Variants in GALNT1 observed in about 807,000 individuals in gnomAD.
The protein encoded by GALNT1 is GalNAc transferase 1.
GALNT1 carries 17 observed loss-of-function variants against 65.7 expected under a neutral mutation model. That is an observed-to-expected ratio of 0.26 (90% CI 0.18 to 0.39). The LOEUF (loss-of-function observed/expected upper bound fraction) is 0.39, where lower values mean the gene tolerates loss of function less well. Ranked by LOEUF, GALNT1 falls within the 10% of genes least tolerant of loss-of-function variation. The pLI, the probability that GALNT1 is intolerant of heterozygous loss-of-function variation, is 1.00. For missense variants in GALNT1, 460 were observed against 672.8 expected, an observed-to-expected ratio of 0.68 and a Z score of 3.50; for synonymous variants, 210 against 219.7, an observed-to-expected ratio of 0.96 and a Z score of 0.39.
At chr18:35,625,493 G>A (rs892968028) in intron 1 of GALNT1, among the ~76,000 whole-genome samples, 3 of 152,200 alleles carry the variant, frequency 2.0e-5, no homozygotes, top group Non-Finnish European at 2.9e-5. Flanking sequence ...GTGTTGCTAG[G>A]TAGGACATTA....
At chr18:35,580,981 G>A (rs2046304833), upstream of GALNT1, 1 of 152,128 alleles carries the variant, frequency 6.6e-6, no homozygotes, top group African/African-American at 2.4e-5. Context: ...GCCTGCCCCG[G>A]CGGTGCGGGT....
At chr18:35,586,606 T>G (rs1176218769) in intron 1 of GALNT1, among the ~76,000 whole-genome samples, 1 of 152,050 alleles carries the variant, frequency 6.6e-6, no homozygotes, top group African/African-American at 2.4e-5. Context: ...AGGTCAAAAT[T>G]GTGTGTGTGT....
intron 1 of GALNT1, among the ~76,000 whole-genome samples, chr18:35,623,535 G>A (rs2046881467): frequency 6.6e-6 from 1 of 151,580 alleles, no homozygotes; most frequent in South Asian, 2.1e-4. Context: ...CTCTCCTTTT[G>A]CAACTCTGAT....
rs528722687 is a variant in GALNT1, at chr18:35,618,770, T to C, written c.-103-35790T>C. On this transcript the variant is annotated intron_variant, in intron 1 of 11. Transcript: ENST00000269195. ...GTTTGTTCTGAGAGCAGGAAGCAAA[T>C]CCTATAATCAGCCCTCCAAAGAGCT... Among the ~76,000 whole-genome samples, 144 of 152,184 alleles carry C rather than the reference T, an allele frequency of 9.5e-4. 1 individual carries two copies. The highest frequency in any genetic ancestry group is 3.0e-3 in the African/African-American group (125 of 41,530).
intron 2 of GALNT1, chr18:35,659,945 T>C (rs1347249061): frequency 6.6e-6 from 1 of 152,194 alleles, no homozygotes; most frequent in Non-Finnish European, 1.5e-5. Flanking sequence ...AGATGATATT[T>C]TGATGTTTAA....
chr18:35,633,648 CA>C (rs1256971729), intron 1 of GALNT1, among the ~76,000 whole-genome samples: 2 of 152,026 alleles, frequency 1.3e-5, no homozygotes, highest in Non-Finnish European at 2.9e-5. Flanking sequence ...ACATATGTAA[CA>C]AACCTGCACA....
chr18:35,705,815 T>C (rs527738653), intron 11 of GALNT1, among the ~76,000 whole-genome samples: 190 of 152,352 alleles, frequency 1.2e-3, no homozygotes, highest in Non-Finnish European at 2.3e-3. Flanking sequence ...GGCATAGTGA[T>C]GTCAGGGATA....
intron 1 of GALNT1, among the ~76,000 whole-genome samples, chr18:35,645,220 T>G (rs12963016): frequency 3.2e-4 from 17 of 53,712 alleles, no homozygotes; most frequent in Non-Finnish European, 4.8e-4. Context: ...TTTTGAATGT[T>G]TTTTTTTTTT....
intron 1 of GALNT1, among the ~76,000 whole-genome samples, chr18:35,584,536 G>C (rs2046358461): frequency 6.6e-6 from 1 of 152,216 alleles, no homozygotes; most frequent in East Asian, 1.9e-4. Context: ...GTAGAAGAGA[G>C]TTAGGAGTGA....
At position 35,699,478 on chromosome 18, in the gene GALNT1, G is replaced by A. The variant is rs143669806; in HGVS notation, c.1300-3419G>A. Among the ~76,000 whole-genome samples, 576 of 152,292 alleles carry A rather than the reference G, an allele frequency of 3.8e-3. 9 individuals are homozygous for A. Among genetic ancestry groups the A allele is most frequent in the African/African-American group, 0.013 (551 of 41,554 alleles). On this transcript the variant is annotated intron_variant, in intron 9 of 11. Coordinates refer to ENST00000269195, the MANE Select transcript of GALNT1 (RefSeq NM_020474.4). ...TTTCTCTTTCCAGGATAGTCAAGAG[G>A]TGACTTGAAAGGAGTGAACTAAAGG...
intron 1 of GALNT1, among the ~76,000 whole-genome samples, chr18:35,635,119 A>T (rs939913885): frequency 6.6e-6 from 1 of 152,194 alleles, no homozygotes; most frequent in African/African-American, 2.4e-5. Flanking sequence ...ACAGCAAAGG[A>T]TACAATGCAG....
intron 1 of GALNT1, among the ~76,000 whole-genome samples, chr18:35,614,629 A>G (rs1371602309): frequency 6.6e-6 from 1 of 152,188 alleles, no homozygotes; most frequent in African/African-American, 2.4e-5. Flanking sequence ...CAGGGCTATG[A>G]GGAATGAACA....
intron 3 of GALNT1, among the ~76,000 whole-genome samples, chr18:35,668,523 C>T (rs893063575): frequency 6.6e-6 from 1 of 152,178 alleles, no homozygotes; most frequent in East Asian, 1.9e-4. Context: ...ATCTTGCAGA[C>T]GTTTGAAAGA....
At chr18:35,625,028 C>T (rs1457273363) in intron 1 of GALNT1, among the ~76,000 whole-genome samples, 1 of 152,092 alleles carries the variant, frequency 6.6e-6, no homozygotes, top group Non-Finnish European at 1.5e-5. Context: ...CTACTTGGTG[C>T]TACAGTGGAA....
At chr18:35,702,244 G>C (rs1397288417) in intron 9 of GALNT1, among the ~76,000 whole-genome samples, 1 of 152,102 alleles carries the variant, frequency 6.6e-6, no homozygotes, top group Non-Finnish European at 1.5e-5. Context: ...TTTCTCTTCT[G>C]GCTTAACCTG....
At chr18:35,659,809 T>A (rs971876452) in intron 2 of GALNT1, 3 of 152,196 alleles carry the variant, frequency 2.0e-5, no homozygotes, top group African/African-American at 7.2e-5. Flanking sequence ...TAGTAAAGGC[T>A]ATAATAACTT....
chr18:35,686,802 C>T (rs2047874494), intron 5 of GALNT1, among the ~76,000 whole-genome samples: 1 of 152,042 alleles, frequency 6.6e-6, no homozygotes, highest in Admixed American at 6.5e-5. Flanking sequence ...CCCAGCTACT[C>T]AGGAAGCTGA....
chr18:35,709,886 G>GT lies in GALNT1; in HGVS notation c.*117dup, dbSNP rs1461735430. 8.2e-7 allele frequency: 1 copy of GT among 1,214,388 alleles called. No homozygotes were observed. Among genetic ancestry groups the GT allele is most frequent in the Non-Finnish European group, 1.1e-6 (1 of 880,144 alleles). 75.2% of individuals were successfully genotyped at this position (1,214,388 alleles called of 1,614,324 possible). A position where few individuals can be genotyped will look rare whatever the true frequency, so the allele number is the denominator to read the frequency against. On this transcript the variant is annotated 3_prime_UTR_variant, in exon 12 of 12. Transcript: ENST00000269195. ...AAAGTGCTTTCCTCCTCTGCAGGAT[G>GT]TAAGGTTTATCAGCCATTAAAACTT...
chr18:35,653,134 G>A (rs2047332233), intron 1 of GALNT1, among the ~76,000 whole-genome samples: 1 of 152,140 alleles, frequency 6.6e-6, no homozygotes, highest in Non-Finnish European at 1.5e-5. Context: ...CCAGTATCAG[G>A]TATTGAGTAA....
Sources: gnomAD v4.1 joint callset for allele counts (sites outside exome capture counted in the v4.1 genomes callset) on GRCh38, gnomAD v4.1.1 for gene constraint, MANE v1.5 for transcripts, NCBI Gene and HGNC (gene_info 2026-07-23, HGNC 2026-07-21) for gene names.